SAMHD1: variants seen among roughly 807,000 people sequenced by gnomAD.
SAMHD1 encodes the protein SAM and HD domain containing deoxynucleoside triphosphate triphosphohydrolase 1.
In SAMHD1, 54 loss-of-function variants were observed where a neutral mutation model predicts 79.6. The observed-to-expected ratio is 0.68, with a 90% confidence interval of 0.55 to 0.85. The LOEUF (loss-of-function observed/expected upper bound fraction) is 0.85. Among genes scored for constraint, SAMHD1 ranks in the 40% least tolerant of loss-of-function variants. The probability of loss-of-function intolerance (pLI) is 0.00; values close to 1 mark genes in which losing one functional copy is unlikely to be tolerated. For synonymous variants in SAMHD1, 260 were observed against 264.1 expected, an observed-to-expected ratio of 0.98 and a Z score of 0.15; for missense variants, 663 against 782.7, an observed-to-expected ratio of 0.85 and a Z score of 1.82.
rs2146160870 is a variant in SAMHD1 at position 36,951,578 on chromosome 20, G to C, written c.66C>G (p.Pro22=). Residue 22 remains proline (P), a synonymous_variant, in exon 1 of 16, where the codon CCC becomes CCG. Coordinates refer to ENST00000646673, the MANE Select transcript of SAMHD1 (RefSeq NM_015474.4). ...CTGCCTCTGCGGAAGGGGTGTTTGA[G>C]GGGGTTCTCGGGCTGTCATCGCAAC... is the stretch of plus-strand genomic sequence containing the variant. ...RPRCDDSPRT[P]SNTPSAEADW... is the part of the protein sequence containing the mutation. 5 of 1,614,170 alleles carry C rather than the reference G, an allele frequency of 3.1e-6. No individual in the cohort carries two copies. The highest frequency in any genetic ancestry group is 4.2e-6 in the Non-Finnish European group (5 of 1,179,992).
intron 4 of SAMHD1, among the ~76,000 whole-genome samples, chr20:36,932,845 A>G (rs1470514234): frequency 6.6e-6 from 1 of 152,114 alleles, no homozygotes; most frequent in Non-Finnish European, 1.5e-5. Context: ...ATGTGAATGC[A>G]TTTAACCCTA....
rs370355051 is a variant in SAMHD1, at chr20:36,949,002, C to T, written c.209-2198G>A. ...TAGGCCGGCCGGGCGCGGTGGCTCA[C>T]GCCTGTAATCCCAGCACTTTGGGAG... On this transcript the variant is annotated intron_variant, in intron 1 of 15. Coordinates refer to ENST00000646673, the MANE Select transcript of SAMHD1 (RefSeq NM_015474.4). 9.2e-5 allele frequency among the ~76,000 whole-genome samples: 14 copies of T among 152,174 alleles called. No individual in the cohort carries two copies. The South Asian group carries it at 1.2e-3, about 14-fold the overall frequency.
intron 7 of SAMHD1, among the ~76,000 whole-genome samples, chr20:36,918,540 G>A (rs113567569): frequency 0.069 from 10,402 of 151,472 alleles, 1,168 homozygotes; most frequent in African/African-American, 0.24. Flanking sequence ...GGCGGCTCAC[G>A]CTTGTAATCC....
chr20:36,939,169 G>A (rs1353174855), intron 3 of SAMHD1, among the ~76,000 whole-genome samples: 1 of 130,132 alleles, frequency 7.7e-6, no homozygotes, highest in African/African-American at 3.0e-5. Context: ...CAGGAGAACT[G>A]CTTGAATCTG....
chr20:36,932,965 T>C (rs1377625177), intron 4 of SAMHD1, among the ~76,000 whole-genome samples: 2 of 152,180 alleles, frequency 1.3e-5, no homozygotes, highest in Non-Finnish European at 2.9e-5. Context: ...GTTTACAACA[T>C]AATTGGAGAT....
At chr20:36,927,970 G>A (rs932269533) in intron 5 of SAMHD1, among the ~76,000 whole-genome samples, 3 of 152,172 alleles carry the variant, frequency 2.0e-5, no homozygotes, top group African/African-American at 7.2e-5. Context: ...GGGACTACAA[G>A]CATGCACCAC....
At chr20:36,907,560 T>TA (rs1555832902) in intron 11 of SAMHD1, among the ~76,000 whole-genome samples, 1 of 85,446 alleles carries the variant, frequency 1.2e-5, no homozygotes, top group Non-Finnish European at 3.2e-5. Context: ...TTTTTTTTTT[T>TA]AGACAGACTC....
At position 36,951,604 on chromosome 20, in the gene SAMHD1, G is replaced by A. The variant is rs759470329; in HGVS notation, c.40C>T (p.Arg14Cys). 1 of 1,614,116 alleles carries A rather than the reference G, an allele frequency of 6.2e-7. No individual in the cohort carries two copies. Among genetic ancestry groups the A allele is most frequent in the Non-Finnish European group, 8.5e-7 (1 of 1,179,990 alleles). The change falls in exon 1 of 16, where the codon CGT becomes TGT. Residue 14 changes from arginine (R) to cysteine (C), a missense_variant. Arg to Cys is a radical substitution (Grantham distance 180). Coordinates refer to ENST00000646673, the MANE Select transcript of SAMHD1 (RefSeq NM_015474.4). ...GGGGTTCTCGGGCTGTCATCGCAAC[G>A]GGGACGCTTGGAGGGCTGCTCGGAA... Reference protein sequence around the residue: ...ADSEQPSKRPRCDDSPRTPSN... With the variant: ...ADSEQPSKRPCCDDSPRTPSN...
intron 15 of SAMHD1, chr20:36,894,193 T>C (rs1162496017): frequency 7.9e-6 from 3 of 377,576 alleles, no homozygotes; most frequent in Non-Finnish European, 1.4e-5. Context: ...TGAACTACAC[T>C]GGATCTGACT....
At chr20:36,938,879 T>C (rs2063621606) in intron 3 of SAMHD1, among the ~76,000 whole-genome samples, 1 of 150,248 alleles carries the variant, frequency 6.7e-6, no homozygotes, top group African/African-American at 2.4e-5. Context: ...CAACAAAACA[T>C]TATTATATAG....
intron 15 of SAMHD1, among the ~76,000 whole-genome samples, chr20:36,897,092 T>C (rs1759652790): frequency 6.6e-6 from 1 of 152,224 alleles, no homozygotes; most frequent in Admixed American, 6.5e-5. Flanking sequence ...CTTACCTGGA[T>C]CATGCCTTGT....
At chr20:36,937,476 T>G (rs566618147) in intron 3 of SAMHD1, among the ~76,000 whole-genome samples, 4 of 152,270 alleles carry the variant, frequency 2.6e-5, no homozygotes, top group African/African-American at 9.6e-5. Flanking sequence ...GTATCATATC[T>G]CCCATAAGGA....
chr20:36,942,607 T>TAC (rs1429195214), intron 2 of SAMHD1, among the ~76,000 whole-genome samples: 1 of 152,168 alleles, frequency 6.6e-6, no homozygotes, highest in Non-Finnish European at 1.5e-5. Flanking sequence ...TAATGCTTCT[T>TAC]ACAATTGACA....
chr20:36,930,732 A>G, intron 5 of SAMHD1, 28 bp downstream of exon 5: 1 of 1,471,176 alleles, frequency 6.8e-7, no homozygotes, highest in Non-Finnish European at 9.5e-7. Flanking sequence ...GATTTTACAT[A>G]ACAACTTTGT....
chr20:36,951,421 C>T lies in SAMHD1; in HGVS notation c.208+15G>A. 6.2e-7 allele frequency: 1 copy of T among 1,613,224 alleles called. No homozygotes were observed. Among genetic ancestry groups the T allele is most frequent in the Non-Finnish European group, 8.5e-7 (1 of 1,179,818 alleles). On this transcript the variant is annotated intron_variant, in intron 1 of 15. Coordinates refer to ENST00000646673, the MANE Select transcript of SAMHD1 (RefSeq NM_015474.4). ...GTCGCCGCCCTTCGCCCCTCAGCCC[C>T]TCCGGAGCCGCTACCTCGGATGTTC...
chr20:36,921,703 GT>G (rs71186090), intron 6 of SAMHD1, among the ~76,000 whole-genome samples: 9,401 of 139,066 alleles, frequency 0.068, 388 homozygotes, highest in Non-Finnish European at 0.11. Context: ...TTTTGTGGTT[GT>G]TTTTTTTTTT....
At chr20:36,947,677 T>A (rs1019953798) in intron 1 of SAMHD1, among the ~76,000 whole-genome samples, 4 of 151,980 alleles carry the variant, frequency 2.6e-5, no homozygotes, top group Non-Finnish European at 5.9e-5. Flanking sequence ...TATTTTCTTT[T>A]ATTTTCTTTG....
At chr20:36,945,209 T>A (rs2146149411) in intron 2 of SAMHD1, among the ~76,000 whole-genome samples, 1 of 152,308 alleles carries the variant, frequency 6.6e-6, no homozygotes, top group Admixed American at 6.5e-5. Flanking sequence ...GCTAATTTTT[T>A]AATTTTCTGT....
At chr20:36,937,865 T>G (rs949947767) in intron 3 of SAMHD1, among the ~76,000 whole-genome samples, 1 of 151,440 alleles carries the variant, frequency 6.6e-6, no homozygotes, top group African/African-American at 2.4e-5. Flanking sequence ...GGTTTGTTTT[T>G]TTTTTTTTTT....
Sources: allele counts gnomAD v4.1 joint callset (sites outside exome capture counted in the v4.1 genomes callset), GRCh38; gene constraint gnomAD v4.1.1; transcripts MANE v1.5; gene names NCBI Gene and HGNC (gene_info 2026-07-23, HGNC 2026-07-21).